The following DEPDC1B variants were observed in gnomAD, a reference collection of about 807,000 sequenced individuals.
The protein encoded by DEPDC1B is DEP domain-containing protein 1B.
DEPDC1B carries 51 observed loss-of-function variants against 66.5 expected under a neutral mutation model. That is an observed-to-expected ratio of 0.77 (90% CI 0.61 to 0.97). The LOEUF (loss-of-function observed/expected upper bound fraction) is 0.97, where lower values mean the gene tolerates loss of function less well. Ranked by LOEUF, DEPDC1B falls within the 50% of genes least tolerant of loss-of-function variation. DEPDC1B has a pLI of 0.00. For missense variants in DEPDC1B, 552 were observed against 637.1 expected (o/e 0.87, Z 1.44); for synonymous variants, 226 against 223.6 (o/e 1.01, Z -0.10).
At chr5:60,682,828 T>G (rs1754327172) in intron 2 of DEPDC1B, among the ~76,000 whole-genome samples, 1 of 152,108 alleles carries the variant, frequency 6.6e-6, no homozygotes, top group Non-Finnish European at 1.5e-5. Flanking sequence ...AGTCCAGGAC[T>G]GGACAACTTT....
chr5:60,633,522 T>C (rs1190173488), intron 7 of DEPDC1B, among the ~76,000 whole-genome samples: 1 of 152,184 alleles, frequency 6.6e-6, no homozygotes, highest in African/African-American at 2.4e-5. Flanking sequence ...CGTGAGAACA[T>C]GCCAGGGTTG....
intron 4 of DEPDC1B, 92 bp downstream of exon 4, chr5:60,645,400 A>G (rs957531432): frequency 1.2e-4 from 156 of 1,260,046 alleles, no homozygotes; most frequent in Non-Finnish European, 1.6e-4. Context: ...TTTTATACAT[A>G]ATTTCAGAAA....
Position 60,699,443 on chromosome 5 carries a change from GAAAAA to G in DEPDC1B, c.48+598_48+602del, listed in dbSNP as rs528758437. Among the ~76,000 whole-genome samples, 18 of 89,366 alleles carry G rather than the reference GAAAAA, an allele frequency of 2.0e-4. 1 individual carries two copies. The South Asian group carries it at 5.2e-3, about 26-fold the overall frequency. 58.6% of individuals were successfully genotyped at this position (89,366 alleles called of 152,430 possible). A position where few individuals can be genotyped will look rare whatever the true frequency, so the allele number is the denominator to read the frequency against. On this transcript the variant is annotated intron_variant, in intron 1 of 10. Coordinates refer to ENST00000265036, the MANE Select transcript of DEPDC1B (RefSeq NM_018369.3). ...CCTCAATACCAAAGCTTTTCTCCCAGAAAAAAAAAAAAAAAAAAACAGGAACTCAG... is the reference window on the plus strand; with the variant it reads ...CCTCAATACCAAAGCTTTTCTCCCAGAAAAAAAAAAAAAACAGGAACTCAG...
At chr5:60,699,282 G>C (rs1237496489) in intron 1 of DEPDC1B, among the ~76,000 whole-genome samples, 1 of 119,532 alleles carries the variant, frequency 8.4e-6, no homozygotes, top group Non-Finnish European at 1.8e-5. Flanking sequence ...TGGCCAGAGA[G>C]GTCGGCAGAC....
At chr5:60,670,209 C>A (rs1753999567) in intron 2 of DEPDC1B, among the ~76,000 whole-genome samples, 1 of 152,100 alleles carries the variant, frequency 6.6e-6, no homozygotes, top group African/African-American at 2.4e-5. Context: ...TCAGTAAAAC[C>A]CCGTCTCTAC....
intron 3 of DEPDC1B, among the ~76,000 whole-genome samples, chr5:60,646,511 TC>T (rs1753319586): frequency 6.6e-6 from 1 of 152,186 alleles, no homozygotes; most frequent in African/African-American, 2.4e-5. Context: ...TACAATTGAC[TC>T]TTTGTATTTA....
intron 7 of DEPDC1B, among the ~76,000 whole-genome samples, chr5:60,617,481 T>C (rs190722539): frequency 0.012 from 1,894 of 152,236 alleles, 16 homozygotes; most frequent in Non-Finnish European, 0.021. Context: ...AGGCAGGGGT[T>C]GCAATCCTAG....
chr5:60,665,769 T>A lies in DEPDC1B; in HGVS notation c.315-18236A>T, dbSNP rs1584081973. 2.6e-5 allele frequency among the ~76,000 whole-genome samples: 4 copies of A among 152,212 alleles called. No individual in the cohort carries two copies. In the South Asian group the frequency reaches 6.2e-4, roughly 24 times the overall value. ...CCTAAGCCTAGCTGGGAAAGGTGAC[T>A]GCACCTACCTTTAAACACGGGGCTT... On this transcript the variant is annotated intron_variant, in intron 2 of 10. Coordinates refer to ENST00000265036, the MANE Select transcript of DEPDC1B (RefSeq NM_018369.3).
In DEPDC1B at chr5:60,611,856, T is replaced by C. The variant is rs1752419750; in HGVS notation, c.899-6000A>G. ...TGCAAGGTGAAGCAGCAAGGGTTAA[T>C]GTAGAAGCTGCAGCAAGTTATCTAG... On this transcript the variant is annotated intron_variant, in intron 7 of 10. Transcript: ENST00000265036. 2.0e-5 allele frequency among the ~76,000 whole-genome samples: 3 copies of C among 152,198 alleles called. No individual in the cohort carries two copies. The South Asian group carries it at 6.2e-4, about 31-fold the overall frequency.
Position 60,673,957 on chromosome 5 carries a change from C to T in DEPDC1B, c.314+13005G>A, listed in dbSNP as rs77246392. 5.8e-3 allele frequency among the ~76,000 whole-genome samples: 879 copies of T among 152,172 alleles called. 10 individuals are homozygous for T. The highest frequency in any genetic ancestry group is 0.02 in the African/African-American group (830 of 41,518). On this transcript the variant is annotated intron_variant, in intron 2 of 10. Transcript: ENST00000265036. Reference sequence around the variant, plus strand: ...TATGCCTCCTGTTCCATTATTGGAACGCTAAGCATGTGGGAGTCATCTCTA... The same window carrying T: ...TATGCCTCCTGTTCCATTATTGGAATGCTAAGCATGTGGGAGTCATCTCTA...
chr5:60,644,177 C>T (rs1169556619), intron 5 of DEPDC1B, among the ~76,000 whole-genome samples: 2 of 152,090 alleles, frequency 1.3e-5, no homozygotes, highest in East Asian at 3.9e-4. Context: ...GTACCCTAAC[C>T]ACATTTTTAC....
chr5:60,680,252 T>C (rs1465457325), intron 2 of DEPDC1B, among the ~76,000 whole-genome samples: 3 of 152,210 alleles, frequency 2.0e-5, no homozygotes, highest in Non-Finnish European at 1.5e-5. Context: ...GAACTCTTTC[T>C]AGTAATTGCT....
intron 2 of DEPDC1B, among the ~76,000 whole-genome samples, chr5:60,656,683 A>T (rs1300597966): frequency 6.6e-6 from 1 of 152,200 alleles, no homozygotes; most frequent in Non-Finnish European, 1.5e-5. Context: ...CTTCTTCACA[A>T]GGCAGCAGGA....
rs1396240957 is a variant in DEPDC1B, at chr5:60,599,207, G to A, written c.1296C>T (p.Cys432=). 1.2e-6 allele frequency: 2 copies of A among 1,611,982 alleles called. No homozygotes were observed. The highest frequency in any genetic ancestry group is 2.2e-5 in the South Asian group (2 of 90,410). ...CAAATTCCTCTGGACTAATTTGACG[G>A]CAAAATGATGGAGCAGATAAAGTGA... is the stretch of plus-strand genomic sequence containing the variant. ...MDITLSAPSF[C]RQISPEEFEY... Residue 432 remains cysteine (C), a synonymous_variant, in exon 10 of 11, where the codon TGC becomes TGT. Transcript: ENST00000265036.
intron 7 of DEPDC1B, among the ~76,000 whole-genome samples, chr5:60,619,956 A>T (rs1242674006): frequency 6.6e-6 from 1 of 152,186 alleles, no homozygotes; most frequent in Non-Finnish European, 1.5e-5. Context: ...AGACCAATGG[A>T]ACAGAACAGA....
intron 2 of DEPDC1B, among the ~76,000 whole-genome samples, chr5:60,669,268 A>G (rs1359298604): frequency 6.6e-6 from 1 of 152,238 alleles, no homozygotes; most frequent in Non-Finnish European, 1.5e-5. Flanking sequence ...GATAAATGAT[A>G]GCTCTCTCAA....
At chr5:60,635,202 AC>A (rs1321677423) in intron 7 of DEPDC1B, among the ~76,000 whole-genome samples, 5 of 152,218 alleles carry the variant, frequency 3.3e-5, no homozygotes, top group African/African-American at 4.8e-5. Context: ...CTGCAAAAAA[AC>A]AAAACAAAAA....
At chr5:60,689,175 C>A in intron 1 of DEPDC1B, 1 of 404,434 alleles carries the variant, frequency 2.5e-6, no homozygotes, top group South Asian at 1.9e-5. Context: ...TTTCCTTCCA[C>A]TACAAGATGC....
chr5:60,660,141 G>T (rs187433643), intron 2 of DEPDC1B, among the ~76,000 whole-genome samples: 1 of 151,942 alleles, frequency 6.6e-6, no homozygotes, highest in Non-Finnish European at 1.5e-5. Flanking sequence ...TCTACAAGGA[G>T]ATAGAGAGGA....
Sources: gnomAD v4.1 joint callset for allele counts (sites outside exome capture counted in the v4.1 genomes callset) on GRCh38, gnomAD v4.1.1 for gene constraint, MANE v1.5 for transcripts, NCBI Gene and HGNC (gene_info 2026-07-23, HGNC 2026-07-21) for gene names.